SGCZ: variants seen among roughly 807,000 people sequenced by gnomAD.
SGCZ encodes zeta-sarcoglycan.
SGCZ carries 40 observed loss-of-function variants against 41.3 expected under a neutral mutation model. That is an observed-to-expected ratio of 0.97 (90% CI 0.75 to 1.26). The LOEUF (loss-of-function observed/expected upper bound fraction) is 1.26, where lower values mean the gene tolerates loss of function less well. Ranked by LOEUF, SGCZ falls within the 50% of genes most tolerant of loss-of-function variation. The pLI is 0.00. For missense variants in SGCZ, 552 were observed against 369.8 expected, an observed-to-expected ratio of 1.49 and a Z score of -4.04; for synonymous variants, 206 against 137.5, an observed-to-expected ratio of 1.50 and a Z score of -3.49.
At chr8:14,174,445 A>C (rs1249696087) in intron 4 of SGCZ, among the ~76,000 whole-genome samples, 1 of 152,096 alleles carries the variant, frequency 6.6e-6, no homozygotes, top group Non-Finnish European at 1.5e-5. Context: ...TTCTAATTTA[A>C]ATTTACTGGT....
At chr8:14,730,165 T>C (rs1212700480) in intron 1 of SGCZ, among the ~76,000 whole-genome samples, 1 of 152,222 alleles carries the variant, frequency 6.6e-6, no homozygotes, top group African/African-American at 2.4e-5. Context: ...CAAGAGAATC[T>C]TGTCTGCTCT....
chr8:14,869,545 C>G (rs1585333929), intron 1 of SGCZ, among the ~76,000 whole-genome samples: 3 of 152,312 alleles, frequency 2.0e-5, no homozygotes, highest in African/African-American at 7.2e-5. Context: ...AGGACGCCCT[C>G]TCTCACCACT....
chr8:14,399,540 C>T (rs79439065), intron 2 of SGCZ, among the ~76,000 whole-genome samples: 3,678 of 152,180 alleles, frequency 0.024, 159 homozygotes, highest in African/African-American at 0.082. Flanking sequence ...AAGTCCCAGT[C>T]TTTCTTCCTG....
At chr8:14,710,443 C>CA (rs1184631214) in intron 1 of SGCZ, among the ~76,000 whole-genome samples, 1 of 149,832 alleles carries the variant, frequency 6.7e-6, no homozygotes, top group Admixed American at 6.6e-5. Flanking sequence ...TTCAATGGAG[C>CA]AATTAAAACT....
chr8:14,250,741 C>T (rs1251591894), intron 3 of SGCZ, among the ~76,000 whole-genome samples: 1 of 152,112 alleles, frequency 6.6e-6, no homozygotes, highest in Non-Finnish European at 1.5e-5. Flanking sequence ...CAGAACAGCC[C>T]TTGCTCTCCT....
chr8:14,252,721 T>A (rs767197087), intron 3 of SGCZ, among the ~76,000 whole-genome samples: 1 of 152,176 alleles, frequency 6.6e-6, no homozygotes, highest in Non-Finnish European at 1.5e-5. Context: ...ATACAGTACT[T>A]GTAACTCCAA....
intron 1 of SGCZ, among the ~76,000 whole-genome samples, chr8:14,761,784 A>G (rs1585238792): frequency 6.6e-6 from 1 of 152,022 alleles, no homozygotes. Flanking sequence ...TTCGGCCTCC[A>G]AAACTGCTGG....
At chr8:15,010,931 G>C (rs1563434541) in intron 1 of SGCZ, among the ~76,000 whole-genome samples, 2 of 152,184 alleles carry the variant, frequency 1.3e-5, no homozygotes, top group Non-Finnish European at 1.5e-5. Context: ...GCTAACTTGA[G>C]AGGCAATGAA....
chr8:14,223,525 C>T lies in SGCZ; in HGVS notation c.424+14067G>A, dbSNP rs148865395. On this transcript the variant is annotated intron_variant, in intron 4 of 7. Coordinates refer to ENST00000382080, the MANE Select transcript of SGCZ (RefSeq NM_139167.4). ...TTTTTATATTCATCTAAAACAGTCACATCTAGACCAATATATATATATATT... is the reference window on the plus strand; with the variant it reads ...TTTTTATATTCATCTAAAACAGTCATATCTAGACCAATATATATATATATT... 5.0e-5 allele frequency among the ~76,000 whole-genome samples: 7 copies of T among 141,386 alleles called. No homozygotes were observed. In the East Asian group the frequency reaches 1.1e-3, roughly 21 times the overall value. The allele number at this position is 141,386 out of a possible 152,430, so 92.8% of individuals were successfully genotyped here.
rs1419604601 is a variant in SGCZ at position 15,008,532 on chromosome 8, G to GAAGGAAGA, written c.39+229052_39+229053insTCTTCCTT. Among the ~76,000 whole-genome samples the GAAGGAAGA allele has an allele frequency of 3.6e-3, 196 of 54,012 alleles. 17 individuals carry two copies. Among genetic ancestry groups the GAAGGAAGA allele is most frequent in the African/African-American group, 4.9e-3 (65 of 13,206 alleles). The allele number at this position is 54,012 out of a possible 152,430, so 35.4% of individuals were successfully genotyped here. ...CTGGGCCTGTATAAAGGGAGGGAAG[G>GAAGGAAGA]AAGGAAGGAAGGGAGGGAGTGAGGG... On this transcript the variant is annotated intron_variant, in intron 1 of 7. Coordinates refer to ENST00000382080, the MANE Select transcript of SGCZ (RefSeq NM_139167.4).
intron 1 of SGCZ, among the ~76,000 whole-genome samples, chr8:14,612,169 C>T (rs1346731723): frequency 6.6e-6 from 1 of 151,996 alleles, no homozygotes; most frequent in Non-Finnish European, 1.5e-5. Context: ...TATGGTTTGG[C>T]TCTGTGTCCC....
intron 1 of SGCZ, among the ~76,000 whole-genome samples, chr8:14,785,808 G>A (rs564719070): frequency 6.6e-6 from 1 of 151,978 alleles, no homozygotes; most frequent in Admixed American, 6.6e-5. Context: ...AGCAGGCGTA[G>A]GATTGTGGTT....
At chr8:14,604,979 T>C (rs1380710133) in intron 1 of SGCZ, among the ~76,000 whole-genome samples, 1 of 152,236 alleles carries the variant, frequency 6.6e-6, no homozygotes, top group Non-Finnish European at 1.5e-5. Context: ...TGATGTTATA[T>C]GACCATTTAC....
intron 5 of SGCZ, among the ~76,000 whole-genome samples, chr8:14,140,919 C>G (rs1017732580): frequency 5.3e-5 from 8 of 152,206 alleles, no homozygotes; most frequent in African/African-American, 1.9e-4. Context: ...TGACTTCAAA[C>G]TATACTACAA....
chr8:14,544,622 G>A (rs989363590), intron 2 of SGCZ, among the ~76,000 whole-genome samples: 1 of 152,042 alleles, frequency 6.6e-6, no homozygotes, highest in African/African-American at 2.4e-5. Context: ...TTGAGATAAG[G>A]ACTGAGATAC....
chr8:14,689,252 A>C (rs1261669760), intron 1 of SGCZ, among the ~76,000 whole-genome samples: 1 of 152,092 alleles, frequency 6.6e-6, no homozygotes, highest in Admixed American at 6.6e-5. Flanking sequence ...TTGAAAATTG[A>C]AAAAGTTTGA....
At chr8:14,408,980 CGTGT>C (rs35834026) in intron 2 of SGCZ, among the ~76,000 whole-genome samples, 12 of 148,302 alleles carry the variant, frequency 8.1e-5, no homozygotes, top group South Asian at 4.3e-4. Context: ...TGCATGTGTG[CGTGT>C]GTGTGTGTGT....
intron 1 of SGCZ, among the ~76,000 whole-genome samples, chr8:14,707,732 G>T (rs1270738181): frequency 6.6e-6 from 1 of 152,066 alleles, no homozygotes; most frequent in Non-Finnish European, 1.5e-5. Flanking sequence ...TTGTTAGAAA[G>T]AATAATGAAG....
At chr8:14,165,534 A>G (rs1435935956) in intron 4 of SGCZ, among the ~76,000 whole-genome samples, 4 of 152,280 alleles carry the variant, frequency 2.6e-5, no homozygotes, top group South Asian at 4.1e-4. Context: ...GCAGTAATTC[A>G]TCTTCCCATA....
Sources: allele counts gnomAD v4.1 joint callset (sites outside exome capture counted in the v4.1 genomes callset), GRCh38; gene constraint gnomAD v4.1.1; transcripts MANE v1.5; gene names NCBI Gene and HGNC (gene_info 2026-07-23, HGNC 2026-07-21).